Variants in DCAF8L2 observed in about 807,000 individuals in gnomAD.
DCAF8L2 encodes DDB1 and CUL4 associated factor 8 like 2, also known as DDB1- and CUL4-associated factor 8-like protein 2.
For missense variants in DCAF8L2, 430 were observed against 490.7 expected, an observed-to-expected ratio of 0.88 and a Z score of 1.17; for synonymous variants, 200 against 190.9, an observed-to-expected ratio of 1.05 and a Z score of -0.39.
rs770962565 is a variant in DCAF8L2, at chrX:27,601,287, G to T, written c.-342+10847G>T. On this transcript the variant is annotated intron_variant, in intron 1 of 4. Coordinates refer to ENST00000451261, the MANE Select transcript of DCAF8L2 (RefSeq NM_001353450.2). ...CAAATTCACACCCTCACTCATATAG[G>T]CCAGTAATCTTTGAAAAAAGGGAAA... Among the ~76,000 whole-genome samples, 7 of 111,817 alleles carry T rather than the reference G, an allele frequency of 6.3e-5. No homozygotes were observed. The South Asian group carries it at 2.6e-3, about 41-fold the overall frequency.
intron 2 of DCAF8L2, among the ~76,000 whole-genome samples, chrX:27,660,539 C>T (rs1359854963): frequency 9.0e-6 from 1 of 111,726 alleles, no homozygotes; most frequent in Admixed American, 9.5e-5. Context: ...CTGTGAATTC[C>T]TCAGTGGCTC....
the DCAF8L2 span, among the ~76,000 whole-genome samples, chrX:27,544,298 G>C: frequency 9.0e-6 from 1 of 111,698 alleles, no homozygotes; most frequent in Non-Finnish European, 1.9e-5. Flanking sequence ...ATTTCTTTGA[G>C]TTCTTATATT....
chrX:27,516,387 A>G, the DCAF8L2 span, among the ~76,000 whole-genome samples: 10 of 111,100 alleles, frequency 9.0e-5, no homozygotes, highest in Middle Eastern at 9.3e-3. Flanking sequence ...ATATACTAAA[A>G]TGATTATGTA....
chrX:27,649,739 A>T (rs1298403961), intron 2 of DCAF8L2, among the ~76,000 whole-genome samples: 2 of 111,657 alleles, frequency 1.8e-5, no homozygotes, highest in Non-Finnish European at 3.8e-5. Context: ...ATCTTCTCTC[A>T]TTGCGTAGGT....
the DCAF8L2 span, among the ~76,000 whole-genome samples, chrX:27,545,106 G>A: frequency 9.0e-6 from 1 of 111,567 alleles, no homozygotes; most frequent in Non-Finnish European, 1.9e-5. Flanking sequence ...ATGGCTTCAG[G>A]ATACATTTAG....
At chrX:27,649,523 C>G (rs963470834) in intron 2 of DCAF8L2, among the ~76,000 whole-genome samples, 12 of 111,993 alleles carry the variant, frequency 1.1e-4, no homozygotes, top group African/African-American at 3.9e-4. Flanking sequence ...GAGATAATAT[C>G]TTACTATGGT....
intron 3 of DCAF8L2, among the ~76,000 whole-genome samples, chrX:27,701,866 A>T (rs1041173118): frequency 3.0e-5 from 3 of 99,461 alleles, no homozygotes; most frequent in African/African-American, 1.1e-4. Context: ...GATTGGAGTG[A>T]ACATAAATGA....
chrX:27,583,287 G>C, the DCAF8L2 span, among the ~76,000 whole-genome samples: 1 of 111,321 alleles, frequency 9.0e-6, no homozygotes, highest in South Asian at 3.8e-4. Context: ...ACAATCCCCC[G>C]TTCCCTTTTG....
the DCAF8L2 span, among the ~76,000 whole-genome samples, chrX:27,555,631 A>G: frequency 8.9e-6 from 1 of 112,058 alleles, no homozygotes; most frequent in African/African-American, 3.2e-5. Context: ...ACTCTGCAAT[A>G]ATGGATAGAA....
chrX:27,548,167 A>C, the DCAF8L2 span, among the ~76,000 whole-genome samples: 1 of 109,147 alleles, frequency 9.2e-6, no homozygotes, highest in East Asian at 2.9e-4. Flanking sequence ...CATAATAATG[A>C]AGCTGATTAT....
chrX:27,653,559 A>G (rs188635445), intron 2 of DCAF8L2, among the ~76,000 whole-genome samples: 1 of 111,380 alleles, frequency 9.0e-6, no homozygotes, highest in African/African-American at 3.3e-5. Flanking sequence ...GTTTTTCTCC[A>G]ATACTTTATA....
rs752798391 is a variant in DCAF8L2 at position 27,746,907 on chromosome X, A to G, written c.12A>G (p.Gln4=). Reference sequence around the variant, plus strand: ...AAACATCGTTCAAGATGTCCCACCAAGAAGGCAGCACAGACGGCTTACCAG... The same window carrying G: ...AAACATCGTTCAAGATGTCCCACCAGGAAGGCAGCACAGACGGCTTACCAG... MSH[Q]EGSTDGLPDL... The change falls in exon 5 of 5, where the codon CAA becomes CAG. Residue 4 remains glutamine, a synonymous_variant. Coordinates refer to ENST00000451261, the MANE Select transcript of DCAF8L2 (RefSeq NM_001353450.2). The G allele has an allele frequency of 8.4e-7, 1 of 1,196,309 alleles. No individual in the cohort carries two copies. Among genetic ancestry groups the G allele is most frequent in the Non-Finnish European group, 1.1e-6 (1 of 888,327 alleles).
chrX:27,502,281 A>G, the DCAF8L2 span, among the ~76,000 whole-genome samples: 3 of 87,630 alleles, frequency 3.4e-5, no homozygotes, highest in African/African-American at 1.3e-4. Flanking sequence ...AGATCGTGCC[A>G]CTGCACTCCA....
At chrX:27,745,982 A>G (rs1922140671) in intron 4 of DCAF8L2, among the ~76,000 whole-genome samples, 1 of 111,659 alleles carries the variant, frequency 9.0e-6, no homozygotes, top group Admixed American at 9.5e-5. Flanking sequence ...AAATAAATAT[A>G]TAGGAACTCT....
At chrX:27,582,727 T>C in the DCAF8L2 span, among the ~76,000 whole-genome samples, 1 of 111,476 alleles carries the variant, frequency 9.0e-6, no homozygotes, top group African/African-American at 3.3e-5. Context: ...TATTGTGCTC[T>C]CTTTGATGTG....
intron 3 of DCAF8L2, among the ~76,000 whole-genome samples, chrX:27,699,581 A>G (rs1484270887): frequency 1.8e-5 from 2 of 111,755 alleles, no homozygotes; most frequent in Non-Finnish European, 3.8e-5. Context: ...GGTTATTGCA[A>G]TTACCCAGGC....
At chrX:27,565,658 A>G in the DCAF8L2 span, among the ~76,000 whole-genome samples, 2 of 111,669 alleles carry the variant, frequency 1.8e-5, no homozygotes, top group African/African-American at 6.5e-5. Flanking sequence ...CACTGAGGCC[A>G]TCTGGTCCTG....
At chrX:27,547,865 CTCTCTTTCTCTCTCTCTCTCTCTCTT>C in the DCAF8L2 span, among the ~76,000 whole-genome samples, 1 of 61,037 alleles carries the variant, frequency 1.6e-5, no homozygotes, top group Non-Finnish European at 3.1e-5. Context: ...CTCTCTCTCT[CTCTCTTTCTCTCTCTCTCTCTCTCTT>C]TCTCTCTCTC....
At chrX:27,602,137 G>T (rs1318834808) in intron 1 of DCAF8L2, among the ~76,000 whole-genome samples, 1 of 111,138 alleles carries the variant, frequency 9.0e-6, no homozygotes, top group Admixed American at 9.6e-5. Context: ...CCGGGTTCAA[G>T]CAATTCTCCT....
Sources: allele counts gnomAD v4.1 joint callset (sites outside exome capture counted in the v4.1 genomes callset), GRCh38; gene constraint gnomAD v4.1.1; transcripts MANE v1.5; gene names NCBI Gene and HGNC (gene_info 2026-07-23, HGNC 2026-07-21).